Variants in MASP1 observed in about 807,000 individuals in gnomAD.
MASP1 encodes the protein mannan-binding lectin serine protease 1.
MASP1 carries 59 observed loss-of-function variants against 77.1 expected under a neutral mutation model. The observed-to-expected ratio is 0.77, with a 90% CI of 0.62 to 0.95. The LOEUF (loss-of-function observed/expected upper bound fraction) is 0.95, where lower values mean the gene tolerates loss of function less well. Ranked by LOEUF, MASP1 falls within the 40% of genes least tolerant of loss-of-function variation. The pLI is 0.00. For missense variants in MASP1, 885 were observed against 912.9 expected, an observed-to-expected ratio of 0.97 and a Z score of 0.39; for synonymous variants, 362 against 354.5, an observed-to-expected ratio of 1.02 and a Z score of -0.24.
rs747701888 is a variant in MASP1, at chr3:187,251,701, G to A, written c.944C>T (p.Ser315Phe). ...QPPVHGKIEP[S>F]QAKYFFKDQV... ...GTCTTTGAAGAAATACTTGGCTTGGGAGGGCTCGATTTTCCCATGGACAGG... is the reference window on the plus strand; with the variant it reads ...GTCTTTGAAGAAATACTTGGCTTGGAAGGGCTCGATTTTCCCATGGACAGG... The change falls in exon 7 of 11, where the codon TCC (serine) becomes TTC (phenylalanine). Residue 315 changes from serine to phenylalanine, a missense_variant. Ser to Phe is a radical substitution (Grantham distance 155, BLOSUM62 -2). Transcript: ENST00000296280. 30 of 1,614,104 alleles carry A rather than the reference G, an allele frequency of 1.9e-5. No homozygotes were observed.
chr3:187,262,343 CTT>C (rs1560021472), intron 3 of MASP1, among the ~76,000 whole-genome samples, 198 bp downstream of exon 3: 1 of 152,146 alleles, frequency 6.6e-6, no homozygotes, highest in African/African-American at 2.4e-5. Context: ...CGTTAAAACA[CTT>C]TGTAAAAGAT....
exon 16 of MASP1, chr3:187,218,787 T>C (rs1711878368): frequency 6.6e-6 from 1 of 152,220 alleles, no homozygotes; most frequent in African/African-American, 2.4e-5. Flanking sequence ...GGGCATAAAG[T>C]CTCTAGAAGC....
intron 10 of MASP1, among the ~76,000 whole-genome samples, chr3:187,238,459 T>C (rs984782620): frequency 6.6e-6 from 1 of 152,224 alleles, no homozygotes; most frequent in African/African-American, 2.4e-5. Flanking sequence ...GGAGAGCTCA[T>C]TGAAATGGGG....
At chr3:187,252,959 T>C (rs968187165) in intron 6 of MASP1, among the ~76,000 whole-genome samples, 1 of 152,178 alleles carries the variant, frequency 6.6e-6, no homozygotes, top group Non-Finnish European at 1.5e-5. Context: ...ATCAGTCTAG[T>C]CCACCCAACA....
At chr3:187,242,908 TG>T in intron 9 of MASP1, 1 of 180,050 alleles carries the variant, frequency 5.6e-6, no homozygotes, top group Non-Finnish European at 1.2e-5. Flanking sequence ...CTGGGCTACC[TG>T]GGGAGACAGA....
chr3:187,247,793 C>T (rs767423413), intron 8 of MASP1, among the ~76,000 whole-genome samples: 10 of 152,116 alleles, frequency 6.6e-5, no homozygotes, highest in South Asian at 4.1e-4. Context: ...TTCTAGTGCA[C>T]GTTTCTTTAC....
chr3:187,220,222 A>T (rs1251966217), exon 16 of MASP1: 2 of 1,614,076 alleles, frequency 1.2e-6, no homozygotes, highest in Non-Finnish European at 1.7e-6. Context: ...CAGGGTCACC[A>T]TGGGGCCTCC....
intron 2 of MASP1, among the ~76,000 whole-genome samples, chr3:187,273,564 T>A (rs565632730): frequency 1.3e-5 from 2 of 152,332 alleles, no homozygotes; most frequent in East Asian, 3.9e-4. Context: ...CTGCTCATTG[T>A]GCGAGCTCGG....
chr3:187,290,027 T>C (rs1718181364), intron 1 of MASP1, among the ~76,000 whole-genome samples: 1 of 152,178 alleles, frequency 6.6e-6, no homozygotes, highest in South Asian at 2.1e-4. Flanking sequence ...TTGAATTCAA[T>C]TCAACAAATA....
chr3:187,262,925 T>C (rs1715720697), intron 2 of MASP1: 3 of 560,706 alleles, frequency 5.4e-6, no homozygotes, highest in Non-Finnish European at 9.6e-6. Flanking sequence ...ATTCGTCTTA[T>C]TTAGTTCCAT....
At chr3:187,244,713 G>C (rs1713940538) in intron 8 of MASP1, 1 of 152,188 alleles carries the variant, frequency 6.6e-6, no homozygotes, top group South Asian at 2.1e-4. Flanking sequence ...TGGAACTAGT[G>C]GTTCTTAAGG....
chr3:187,262,629 G>A lies in MASP1; in HGVS notation c.329C>T (p.Pro110Leu). 6.2e-7 allele frequency: 1 copy of A among 1,614,160 alleles called. No individual in the cohort carries two copies. The highest frequency in any genetic ancestry group is 8.5e-7 in the Non-Finnish European group (1 of 1,180,022). Reference protein sequence around the residue: ...QTPGQEVVLSPGSFMSITFRS... With the variant: ...QTPGQEVVLSLGSFMSITFRS... ...GAAAGTGATGGACATGAAGGAGCCA[G>A]GGGAGAGGACCACCTCCTGGCCGGG... The change falls in exon 3 of 11, where the codon CCT (proline) becomes CTT (leucine). Residue 110 changes from proline (P) to leucine (L), a missense_variant. Coordinates refer to ENST00000296280, the MANE Select transcript of MASP1 (RefSeq NM_139125.4).
exon 15 of MASP1, chr3:187,221,134 T>G: frequency 6.2e-7 from 1 of 1,612,510 alleles, no homozygotes; most frequent in Non-Finnish European, 8.5e-7. Flanking sequence ...GGGATTTCAA[T>G]CTAGAACACA....
chr3:187,249,284 C>T (rs747656413), intron 8 of MASP1, among the ~76,000 whole-genome samples: 3 of 152,160 alleles, frequency 2.0e-5, no homozygotes, highest in African/African-American at 4.8e-5. Context: ...TCTCGGACTC[C>T]GGAACTCAAG....
chr3:187,247,627 T>C (rs1487098318), intron 8 of MASP1, among the ~76,000 whole-genome samples: 2 of 152,212 alleles, frequency 1.3e-5, no homozygotes, highest in African/African-American at 4.8e-5. Flanking sequence ...TCCTGGCTCA[T>C]GAGGATTATA....
intron 2 of MASP1, among the ~76,000 whole-genome samples, chr3:187,265,671 G>T (rs1715959592): frequency 6.6e-6 from 1 of 152,224 alleles, no homozygotes; most frequent in South Asian, 2.1e-4. Flanking sequence ...CAGAGGTCAA[G>T]AGAGGGGAAG....
intron 2 of MASP1, among the ~76,000 whole-genome samples, chr3:187,264,553 C>T (rs1715861917): frequency 6.6e-6 from 1 of 151,868 alleles, no homozygotes; most frequent in South Asian, 2.1e-4. Context: ...GATCCAGGGA[C>T]ATTGTTATGA....
intron 6 of MASP1, among the ~76,000 whole-genome samples, chr3:187,252,596 C>A (rs947287045): frequency 6.6e-6 from 1 of 152,184 alleles, no homozygotes; most frequent in Non-Finnish European, 1.5e-5. Flanking sequence ...TGCCCAGCTG[C>A]GATCTTTTGT....
At chr3:187,255,054 ATGT>A (rs2108548457) in intron 5 of MASP1, among the ~76,000 whole-genome samples, 1 of 152,108 alleles carries the variant, frequency 6.6e-6, no homozygotes, top group Admixed American at 6.5e-5. Flanking sequence ...CTTTGTGATG[ATGT>A]TATGTTAAAT....
Sources: allele counts gnomAD v4.1 joint callset (sites outside exome capture counted in the v4.1 genomes callset), GRCh38; gene constraint gnomAD v4.1.1; transcripts MANE v1.5; gene names NCBI Gene and HGNC (gene_info 2026-07-23, HGNC 2026-07-21).